Variants in SV2C observed in about 807,000 individuals in gnomAD.
The protein encoded by SV2C is solute carrier family 22 member B3.
A neutral mutation model predicts 79.7 loss-of-function variants in SV2C; 49 were observed. The ratio of observed to expected loss-of-function variants is 0.61; its 90% CI spans 0.49 to 0.78. SV2C has a LOEUF of 0.78. Ranked by LOEUF, SV2C falls within the 30% of genes least tolerant of loss-of-function variation. The pLI is 0.00. For missense variants in SV2C, 833 were observed against 912.9 expected (o/e 0.91, Z 1.13); for synonymous variants, 334 against 333.2 (o/e 1.00, Z -0.03).
the SV2C span, among the ~76,000 whole-genome samples, chr5:75,859,326 A>G: frequency 3.3e-5 from 5 of 152,202 alleles, no homozygotes; most frequent in African/African-American, 9.6e-5. Flanking sequence ...CTCTTCACAT[A>G]CGAGGGCATT....
the SV2C span, chr5:75,920,703 C>T: frequency 1.3e-6 from 1 of 748,172 alleles, no homozygotes; most frequent in Non-Finnish European, 2.5e-6. Flanking sequence ...GAGGGCACTG[C>T]CGGTGTGGAA....
At chr5:76,039,112 G>A in the SV2C span, among the ~76,000 whole-genome samples, 4 of 152,242 alleles carry the variant, frequency 2.6e-5, no homozygotes, top group African/African-American at 9.6e-5. Flanking sequence ...CTTGGAGAAA[G>A]AAGTGGAACT....
the SV2C span, among the ~76,000 whole-genome samples, chr5:76,005,189 C>T: frequency 6.6e-6 from 1 of 152,184 alleles, no homozygotes; most frequent in African/African-American, 2.4e-5. Flanking sequence ...TCCAGCCTCA[C>T]ACCTTCTCTT....
chr5:75,902,869 T>C, the SV2C span, among the ~76,000 whole-genome samples: 1 of 152,198 alleles, frequency 6.6e-6, no homozygotes, highest in Non-Finnish European at 1.5e-5. Context: ...GAAGCAAGTC[T>C]ATTCAGTAAG....
the SV2C span, among the ~76,000 whole-genome samples, chr5:76,045,837 G>A: frequency 6.6e-6 from 1 of 152,144 alleles, no homozygotes; most frequent in South Asian, 2.1e-4. Flanking sequence ...AGCTGTGCTG[G>A]GGAGAGTTCC....
the SV2C span, among the ~76,000 whole-genome samples, chr5:75,953,420 T>C: frequency 6.6e-6 from 1 of 151,964 alleles, no homozygotes; most frequent in Non-Finnish European, 1.5e-5. Context: ...AAATACCTAT[T>C]TCATTTTTCA....
the SV2C span, among the ~76,000 whole-genome samples, chr5:75,985,209 T>C: frequency 6.6e-6 from 1 of 151,820 alleles, no homozygotes; most frequent in Non-Finnish European, 1.5e-5. Context: ...ATTTTAGCAA[T>C]CCACTCTCAG....
At chr5:75,968,992 C>G in the SV2C span, among the ~76,000 whole-genome samples, 2 of 152,212 alleles carry the variant, frequency 1.3e-5, no homozygotes, top group African/African-American at 4.8e-5. Flanking sequence ...AGAAACTCTA[C>G]AAGCCAGAAG....
chr5:75,857,529 A>T, the SV2C span, among the ~76,000 whole-genome samples: 1 of 152,100 alleles, frequency 6.6e-6, no homozygotes, highest in African/African-American at 2.4e-5. Context: ...TTATTATTTG[A>T]AGTCAGGTAA....
the SV2C span, among the ~76,000 whole-genome samples, chr5:75,847,649 G>A: frequency 6.6e-6 from 1 of 152,192 alleles, no homozygotes; most frequent in Admixed American, 6.5e-5. Flanking sequence ...TGATAACAAA[G>A]TTGACTTCCT....
the SV2C span, among the ~76,000 whole-genome samples, chr5:75,902,405 G>A: frequency 1.3e-5 from 2 of 152,314 alleles, no homozygotes; most frequent in African/African-American, 4.8e-5. Flanking sequence ...TAAGAAATGA[G>A]TGGGCAAGCA....
chr5:76,207,259 T>C (rs1014883514), intron 3 of SV2C, among the ~76,000 whole-genome samples: 1 of 152,136 alleles, frequency 6.6e-6, no homozygotes, highest in Non-Finnish European at 1.5e-5. Flanking sequence ...CAATAGTGCC[T>C]TCATGAAGCT....
At chr5:75,860,290 A>G in the SV2C span, among the ~76,000 whole-genome samples, 1 of 152,048 alleles carries the variant, frequency 6.6e-6, no homozygotes, top group South Asian at 2.1e-4. Context: ...CCCATTTACA[A>G]TAGCCACACA....
At chr5:76,207,771 C>G (rs926175863) in intron 3 of SV2C, among the ~76,000 whole-genome samples, 2 of 152,084 alleles carry the variant, frequency 1.3e-5, no homozygotes, top group South Asian at 4.2e-4. Flanking sequence ...TTGTAGACAG[C>G]CTGGTGGAGT....
At chr5:76,001,709 A>G in the SV2C span, among the ~76,000 whole-genome samples, 1 of 152,210 alleles carries the variant, frequency 6.6e-6, no homozygotes, top group Non-Finnish European at 1.5e-5. Context: ...GTTGGTAGAA[A>G]TATTGAAATA....
chr5:76,344,296 C>T (rs2937728), intron 12 of SV2C, among the ~76,000 whole-genome samples: 114,545 of 152,190 alleles, frequency 0.75, 43,798 homozygotes, highest in East Asian at 0.97. Context: ...GAAATACATC[C>T]CTATGGGAAA....
At chr5:76,212,557 C>G (rs531402726) in intron 4 of SV2C, among the ~76,000 whole-genome samples, 12 of 151,796 alleles carry the variant, frequency 7.9e-5, no homozygotes, top group African/African-American at 2.9e-4. Context: ...CTCCTTGGCT[C>G]TCGCTGAGCT....
At chr5:76,162,067 T>C (rs1156439563) in intron 2 of SV2C, among the ~76,000 whole-genome samples, 2 of 152,146 alleles carry the variant, frequency 1.3e-5, no homozygotes. Context: ...TTGGATAAGT[T>C]TGGCTTAGAA....
the SV2C span, among the ~76,000 whole-genome samples, chr5:76,049,024 A>AAAGAAAGAGAGAG: frequency 8.3e-6 from 1 of 120,520 alleles, no homozygotes; most frequent in Non-Finnish European, 1.7e-5. Context: ...AGAAAGAAAG[A>AAAGAAAGAGAGAG]AAAAGAAAAG....
Sources: allele counts gnomAD v4.1 joint callset (sites outside exome capture counted in the v4.1 genomes callset), GRCh38; gene constraint gnomAD v4.1.1; transcripts MANE v1.5; gene names NCBI Gene and HGNC (gene_info 2026-07-23, HGNC 2026-07-21).